Variants in EGF observed in about 807,000 individuals in gnomAD.
EGF encodes epidermal growth factor, also known as pro-epidermal growth factor.
EGF carries 95 observed loss-of-function variants against 143.8 expected under a neutral mutation model. The observed-to-expected ratio is 0.66, with a 90% confidence interval of 0.56 to 0.78. EGF has a LOEUF of 0.78. EGF is among the 30% of genes least tolerant of loss of function. The probability of loss-of-function intolerance (pLI) is 0.00; values close to 1 mark genes in which losing one functional copy is unlikely to be tolerated. For missense variants in EGF, 1,320 were observed against 1,470.9 expected (o/e 0.90, Z 1.68); for synonymous variants, 510 against 510.5 (o/e 1.00, Z 0.01).
rs200524686 is a variant in EGF, at chr4:110,008,145, T to C, written c.3292-7T>C. 1.2e-3 allele frequency: 2,004 copies of C among 1,613,486 alleles called. 6 individuals carry two copies. The highest frequency in any genetic ancestry group is 7.6e-3 in the Middle Eastern group (46 of 6,054). ...TATCCTCTCTCCCTCCTTTTTGTTG[T>C]CTGCAGTTTGTGGTTATAAAAGAAC... On this transcript the variant is annotated splice_region_variant and splice_polypyrimidine_tract_variant and intron_variant, in intron 22 of 23. Transcript: ENST00000265171.
chr4:109,913,548 T>C, intron 1 of EGF, 86 bp downstream of exon 1: 1 of 1,560,194 alleles, frequency 6.4e-7, no homozygotes, highest in Non-Finnish European at 8.7e-7. Flanking sequence ...ACTTGGGCAT[T>C]TAACAAAGTT....
chr4:110,012,964 C>T lies in EGF; in HGVS notation c.*1509C>T, dbSNP rs997260182. Among the ~76,000 whole-genome samples, 9 of 152,126 alleles carry T rather than the reference C, an allele frequency of 5.9e-5. No homozygotes were observed. Among genetic ancestry groups the T allele is most frequent in the African/African-American group, 2.2e-4 (9 of 41,416 alleles). ...TCAGAATAAAAAGAAATTGAAGTAC[C>T]TGTTTTCAAATGGATACTTTATAGG... On this transcript the variant is annotated 3_prime_UTR_variant, in exon 24 of 24. Coordinates refer to ENST00000265171, the MANE Select transcript of EGF (RefSeq NM_001963.6).
Position 110,011,716 on chromosome 4 carries a change from T to G in EGF, c.*261T>G, listed in dbSNP as rs953897471. The G allele has an allele frequency of 1.9e-6, 1 of 524,844 alleles. No individual in the cohort carries two copies. The highest frequency in any genetic ancestry group is 1.9e-5 in the African/African-American group (1 of 52,276). 32.5% of individuals were successfully genotyped at this position (524,844 alleles called of 1,614,324 possible). On this transcript the variant is annotated 3_prime_UTR_variant, in exon 24 of 24. Coordinates refer to ENST00000265171, the MANE Select transcript of EGF (RefSeq NM_001963.6). ...AACCCAAATTGGGACAACAGTGCTT[T>G]GTAAATTGTGTTGTCTTCAGCAGTC...
At chr4:109,919,312 TC>T (rs1579438291) in intron 1 of EGF, among the ~76,000 whole-genome samples, 171 of 146,602 alleles carry the variant, frequency 1.2e-3, no homozygotes, top group African/African-American at 3.6e-3. Context: ...TCTCTCTCTC[TC>T]TCTCTCTCTC....
At chr4:109,979,472 G>C (rs1748996800) in intron 13 of EGF, among the ~76,000 whole-genome samples, 3 of 152,016 alleles carry the variant, frequency 2.0e-5, no homozygotes, top group Non-Finnish European at 4.4e-5. Context: ...CAAATGTGTT[G>C]GTGGAGATGG....
At position 109,983,422 on chromosome 4, in the gene EGF, G is replaced by A. The variant is rs375314388; in HGVS notation, c.2372G>A (p.Gly791Asp). ...AATTGCATCTATTGACCTTCAATAG[G>A]TGGTGAAGTTGATCTAAAGAACCAA... ...LALDGHQLLA[G>D]GEVDLKNQVT... Residue 791 changes from glycine to aspartate, a missense_variant and splice_region_variant, in exon 16 of 24, where the codon GGT becomes GAT. Gly to Asp is a moderately conservative substitution (Grantham distance 94, BLOSUM62 -1). Transcript: ENST00000265171. 33 of 1,613,304 alleles carry A rather than the reference G, an allele frequency of 2.0e-5. No homozygotes were observed. Among genetic ancestry groups the A allele is most frequent in the Non-Finnish European group, 2.8e-5 (33 of 1,179,702 alleles).
intron 11 of EGF, among the ~76,000 whole-genome samples, chr4:109,972,989 A>C (rs1188818526): frequency 2.0e-5 from 3 of 152,186 alleles, no homozygotes; most frequent in African/African-American, 7.2e-5. Flanking sequence ...GAGGCCTTTA[A>C]CAGATGTTTA....
intron 8 of EGF, among the ~76,000 whole-genome samples, chr4:109,962,241 C>T (rs1321392392): frequency 1.3e-5 from 2 of 152,172 alleles, no homozygotes; most frequent in Non-Finnish European, 1.5e-5. Context: ...GGTAGCATTA[C>T]CAGTTACTAG....
intron 10 of EGF, among the ~76,000 whole-genome samples, chr4:109,966,537 C>CT (rs991098404): frequency 1.3e-5 from 2 of 152,016 alleles, no homozygotes; most frequent in East Asian, 3.9e-4. Flanking sequence ...ATAATACTTT[C>CT]TTTTCCATTG....
At chr4:109,998,806 T>C (rs1752165747) in intron 20 of EGF, among the ~76,000 whole-genome samples, 1 of 152,196 alleles carries the variant, frequency 6.6e-6, no homozygotes, top group African/African-American at 2.4e-5. Context: ...GATGAATAAA[T>C]AGTTGATCCA....
At chr4:109,930,087 C>A (rs989705863) in intron 1 of EGF, among the ~76,000 whole-genome samples, 1 of 152,186 alleles carries the variant, frequency 6.6e-6, no homozygotes, top group Non-Finnish European at 1.5e-5. Context: ...GGAGAAGGTG[C>A]TTGCTTCCAC....
At chr4:110,000,575 C>G (rs1752451110) in intron 21 of EGF, among the ~76,000 whole-genome samples, 1 of 152,102 alleles carries the variant, frequency 6.6e-6, no homozygotes, top group Admixed American at 6.5e-5. Flanking sequence ...AATTTCTGGT[C>G]CTCAGATTTT....
Position 109,980,878 on chromosome 4 carries a change from G to T in EGF, c.2274G>T (p.Lys758Asn), listed in dbSNP as rs200092663. 3.1e-6 allele frequency: 5 copies of T among 1,614,092 alleles called. No homozygotes were observed. The East Asian group carries it at 1.1e-4, about 36-fold the overall frequency. The change falls in exon 15 of 24, where the codon AAG becomes AAT. Residue 758 changes from lysine to asparagine, a missense_variant. Around this residue, in one of 5 missense-constraint regions of EGF, gnomAD observed 1,186 missense variants for 1,313.7 expected, o/e 0.90. Transcript: ENST00000265171. ...QNGGCEHICKKRLGTAWCSCR... is the reference protein window; with the variant it reads ...QNGGCEHICKNRLGTAWCSCR... Reference sequence around the variant, plus strand: ...GAGGCTGTGAACATATTTGCAAAAAGAGGCTTGGAACTGCTTGGTGTTCGT... The same window carrying T: ...GAGGCTGTGAACATATTTGCAAAAATAGGCTTGGAACTGCTTGGTGTTCGT...
chr4:109,932,270 G>C lies in EGF; in HGVS notation c.128-8676G>C, dbSNP rs549897139. On this transcript the variant is annotated intron_variant, in intron 1 of 23. Coordinates refer to ENST00000265171, the MANE Select transcript of EGF (RefSeq NM_001963.6). ...GAGTGCCTATTATGTACAGAGGATT[G>C]TACTGCATTATGTGGTAAGGAATAT... 2.1e-5 allele frequency among the ~76,000 whole-genome samples: 3 copies of C among 145,976 alleles called. No individual in the cohort carries two copies. The South Asian group carries it at 6.4e-4, about 31-fold the overall frequency.
chr4:109,973,049 G>C (rs774325028), intron 11 of EGF, among the ~76,000 whole-genome samples: 23 of 152,190 alleles, frequency 1.5e-4, no homozygotes, highest in Non-Finnish European at 3.1e-4. Flanking sequence ...CAGGGAAACA[G>C]GGAAAGCAGG....
At chr4:109,963,420 T>A (rs1488868040) in intron 9 of EGF, 122 bp downstream of exon 9, 1 of 1,277,256 alleles carries the variant, frequency 7.8e-7, no homozygotes, top group African/African-American at 1.5e-5. Flanking sequence ...AAAAAGCAAA[T>A]CACATTGTAA....
At chr4:109,944,093 A>C in intron 4 of EGF, 24 bp downstream of exon 4, 1 of 1,606,038 alleles carries the variant, frequency 6.2e-7, no homozygotes, top group Non-Finnish European at 8.5e-7. Flanking sequence ...TTGGTATAAA[A>C]TAAAACAATT....
intron 13 of EGF, among the ~76,000 whole-genome samples, chr4:109,978,758 T>C (rs772537517): frequency 1.2e-4 from 19 of 152,226 alleles, no homozygotes; most frequent in Non-Finnish European, 2.4e-4. Flanking sequence ...AAAAGAACTA[T>C]AGCTATGTTA....
rs1323635227 is a variant in EGF, at chr4:109,940,805, T to C, written c.128-141T>C. 3 of 835,296 alleles carry C rather than the reference T, an allele frequency of 3.6e-6. No individual in the cohort carries two copies. In the Admixed American group the frequency reaches 6.7e-5, roughly 19 times the overall value. The allele number at this position is 835,296 out of a possible 1,614,324, so 51.7% of individuals were successfully genotyped here. On this transcript the variant is annotated intron_variant, in intron 1 of 23. Transcript: ENST00000265171. ...GAATATCTACAGGAACTCTTTATTG[T>C]CTATAAATAGACTTTATTTTAAACA...
Sources: allele counts gnomAD v4.1 joint callset (sites outside exome capture counted in the v4.1 genomes callset), GRCh38; gene constraint gnomAD v4.1.1; regional missense constraint gnomAD v4.1.1; transcripts MANE v1.5; gene names NCBI Gene and HGNC (gene_info 2026-07-23, HGNC 2026-07-21).